The following CFAP161 variants were observed in gnomAD, a reference collection of about 807,000 sequenced individuals.
CFAP161 encodes cilia- and flagella-associated protein 161.
A neutral mutation model predicts 29.0 loss-of-function variants in CFAP161; 25 were observed. The ratio of observed to expected loss-of-function variants is 0.86; its 90% CI spans 0.63 to 1.20. CFAP161 has a LOEUF of 1.20. CFAP161 is among the 50% of genes most tolerant of loss of function. The probability of loss-of-function intolerance (pLI) is 0.00; values close to 1 mark genes in which losing one functional copy is unlikely to be tolerated. For missense variants in CFAP161, 367 were observed against 371.9 expected (o/e 0.99, Z 0.11); for synonymous variants, 116 against 137.4 (o/e 0.84, Z 1.09).
chr15:81,117,221 CAT>C (rs35542439), intron 1 of CFAP161, among the ~76,000 whole-genome samples: 83,333 of 151,410 alleles, frequency 0.55, 24,072 homozygotes, highest in Middle Eastern at 0.66. Context: ...AGAGATTATA[CAT>C]ATATATATAA....
chr15:81,119,293 T>C (rs1231795323), intron 1 of CFAP161, among the ~76,000 whole-genome samples: 1 of 152,288 alleles, frequency 6.6e-6, no homozygotes, highest in East Asian at 1.9e-4. Context: ...TTCTACTACA[T>C]GCAGTATTTT....
intron 1 of CFAP161, among the ~76,000 whole-genome samples, chr15:81,126,199 C>G (rs1014380117): frequency 6.6e-6 from 1 of 152,106 alleles, no homozygotes; most frequent in Admixed American, 6.6e-5. Context: ...AAAGTGAGAT[C>G]CAAATTATAT....
chr15:81,134,055 T>C (rs1204557067), upstream of CFAP161, among the ~76,000 whole-genome samples: 2 of 152,222 alleles, frequency 1.3e-5, no homozygotes, highest in Non-Finnish European at 2.9e-5. Context: ...TTTAAATTTC[T>C]CTCTCGGAAG....
intron 1 of CFAP161, among the ~76,000 whole-genome samples, chr15:81,121,353 T>C (rs1389935092): frequency 1.3e-5 from 2 of 152,166 alleles, no homozygotes; most frequent in African/African-American, 2.4e-5. Context: ...TTTACATTTC[T>C]ATCTGCTACT....
chr15:81,140,429 C>G (rs1312694270), intron 4 of CFAP161, among the ~76,000 whole-genome samples: 1 of 152,178 alleles, frequency 6.6e-6, no homozygotes, highest in African/African-American at 2.4e-5. Context: ...TCTATTATCC[C>G]TTGAATGATT....
rs765621505 is a variant in CFAP161 at position 81,148,451 on chromosome 15, C to T, written c.824C>T (p.Ser275Leu). Residue 275 changes from serine to leucine, a missense_variant, in exon 7 of 7, where the codon TCG (serine) becomes TTG (leucine). Ser to Leu is a moderately radical substitution (Grantham distance 145). Transcript: ENST00000286732. ...MLVTGNPRDA[S>L]SSMLDLPKPP... ...GTTACTGGGAATCCCAGGGATGCCT[C>T]GTCCTCCATGTTGGATCTGCCCAAA... 10 of 1,614,072 alleles carry T rather than the reference C, an allele frequency of 6.2e-6. No homozygotes were observed. Among genetic ancestry groups the T allele is most frequent in the Middle Eastern group, 1.6e-4 (1 of 6,084 alleles).
chr15:81,128,959 A>G (rs113212278), intron 2 of CFAP161, among the ~76,000 whole-genome samples: 1 of 149,564 alleles, frequency 6.7e-6, no homozygotes, highest in Non-Finnish European at 1.5e-5. Flanking sequence ...GTCTCGAGAA[A>G]AAAAAAAAAA....
intron 1 of CFAP161, among the ~76,000 whole-genome samples, chr15:81,112,479 A>G (rs1440096763): frequency 1.3e-5 from 2 of 152,346 alleles, no homozygotes; most frequent in Admixed American, 1.3e-4. Flanking sequence ...ATCTTTATGA[A>G]CTTAAAATTA....
At chr15:81,119,094 G>C (rs1894537566) in intron 1 of CFAP161, among the ~76,000 whole-genome samples, 1 of 152,142 alleles carries the variant, frequency 6.6e-6, no homozygotes, top group Admixed American at 6.5e-5. Flanking sequence ...TTTTTATTGA[G>C]TCCATTGATC....
At chr15:81,133,193 A>G (rs1445526851), upstream of CFAP161, among the ~76,000 whole-genome samples, 6 of 37,100 alleles carry the variant, frequency 1.6e-4, no homozygotes, top group African/African-American at 4.8e-4. Flanking sequence ...ATATATATAT[A>G]TATATATATA....
intron 1 of CFAP161, among the ~76,000 whole-genome samples, chr15:81,122,962 G>A (rs1894594946): frequency 6.6e-6 from 1 of 151,950 alleles, no homozygotes; most frequent in African/African-American, 2.4e-5. Flanking sequence ...TTCATAGTTT[G>A]CAAAATTTTT....
At chr15:81,121,268 G>C (rs191732871) in intron 1 of CFAP161, among the ~76,000 whole-genome samples, 92 of 152,142 alleles carry the variant, frequency 6.0e-4, no homozygotes, top group African/African-American at 2.1e-3. Context: ...TACCATGCAA[G>C]ATTCTTTCTT....
chr15:81,145,333 G>C (rs1402593191), intron 5 of CFAP161, among the ~76,000 whole-genome samples: 1 of 152,190 alleles, frequency 6.6e-6, no homozygotes. Flanking sequence ...TTGCCTTCTA[G>C]TTCCACAATT....
rs756745370 is a variant in CFAP161, at chr15:81,134,310, T to C, written c.-20T>C. ...CGCATGGTGTCGGAGGGAGGCCCACTTGCTGAACAGCAGGGAGCGATGGCG... is the reference window on the plus strand; with the variant it reads ...CGCATGGTGTCGGAGGGAGGCCCACCTGCTGAACAGCAGGGAGCGATGGCG... On this transcript the variant is annotated 5_prime_UTR_variant, in exon 1 of 7. Coordinates refer to ENST00000286732, the MANE Select transcript of CFAP161 (RefSeq NM_173528.4). The C allele has an allele frequency of 4.4e-6, 7 of 1,576,522 alleles. No homozygotes were observed. Among genetic ancestry groups the C allele is most frequent in the South Asian group, 3.5e-5 (3 of 85,730 alleles).
intron 4 of CFAP161, among the ~76,000 whole-genome samples, chr15:81,139,866 A>G (rs1894876832): frequency 6.6e-6 from 1 of 152,218 alleles, no homozygotes; most frequent in South Asian, 2.1e-4. Context: ...ACTCTCAGCA[A>G]CAGTAAGAAT....
chr15:81,103,176 T>C (rs74028031), intron 1 of CFAP161, among the ~76,000 whole-genome samples: 1,858 of 152,348 alleles, frequency 0.012, 33 homozygotes, highest in African/African-American at 0.043. Flanking sequence ...TTAACTCATT[T>C]ACTTGTTGCA....
intron 1 of CFAP161, among the ~76,000 whole-genome samples, chr15:81,125,816 A>G (rs1404596321): frequency 1.3e-5 from 2 of 152,166 alleles, no homozygotes; most frequent in Non-Finnish European, 2.9e-5. Flanking sequence ...CTTTCATTTT[A>G]GTATTAGAGT....
At chr15:81,148,047 A>C (rs919874851) in intron 6 of CFAP161, 116 bp downstream of exon 6, 1 of 836,546 alleles carries the variant, frequency 1.2e-6, no homozygotes, top group Non-Finnish European at 1.8e-6. Context: ...TCCTTTGCTG[A>C]TGAAATACCG....
At chr15:81,122,209 C>A (rs546474615) in intron 1 of CFAP161, among the ~76,000 whole-genome samples, 112 of 152,260 alleles carry the variant, frequency 7.4e-4, no homozygotes, top group African/African-American at 2.5e-3. Flanking sequence ...AGAATGATTT[C>A]TATTCCTTTG....
Sources: gnomAD v4.1 joint callset for allele counts (sites outside exome capture counted in the v4.1 genomes callset) on GRCh38, gnomAD v4.1.1 for gene constraint, MANE v1.5 for transcripts, NCBI Gene and HGNC (gene_info 2026-07-23, HGNC 2026-07-21) for gene names.